The following SGCZ variants were observed in gnomAD, a reference collection of about 807,000 sequenced individuals.
SGCZ encodes the protein sarcoglycan zeta.
In SGCZ, 40 loss-of-function variants were observed where a neutral mutation model predicts 41.3. The ratio of observed to expected loss-of-function variants is 0.97; its 90% confidence interval spans 0.75 to 1.26. The LOEUF (loss-of-function observed/expected upper bound fraction) is 1.26. Ranked by LOEUF, SGCZ falls within the 50% of genes most tolerant of loss-of-function variation. The probability of loss-of-function intolerance (pLI) is 0.00; values close to 1 mark genes in which losing one functional copy is unlikely to be tolerated. For missense variants in SGCZ, 552 were observed against 369.8 expected (o/e 1.49, Z -4.04); for synonymous variants, 206 against 137.5 (o/e 1.50, Z -3.49).
intron 2 of SGCZ, among the ~76,000 whole-genome samples, chr8:14,391,174 T>C (rs185911484): frequency 1.4e-4 from 21 of 152,148 alleles, no homozygotes; most frequent in Non-Finnish European, 2.9e-4. Flanking sequence ...TAATGCCAGG[T>C]TTGAGAATGG....
At chr8:14,746,031 A>G (rs1489532519) in intron 1 of SGCZ, among the ~76,000 whole-genome samples, 2 of 152,036 alleles carry the variant, frequency 1.3e-5, no homozygotes, top group Admixed American at 6.6e-5. Flanking sequence ...CAAACAATAA[A>G]TTATACAGTA....
chr8:14,253,008 T>A (rs1443700481), intron 3 of SGCZ, among the ~76,000 whole-genome samples: 2 of 152,144 alleles, frequency 1.3e-5, no homozygotes, highest in Non-Finnish European at 2.9e-5. Context: ...ATTTACTGGA[T>A]GCGACGTCCT....
intron 2 of SGCZ, among the ~76,000 whole-genome samples, chr8:14,398,535 G>A (rs1026270497): frequency 1.3e-5 from 2 of 152,130 alleles, no homozygotes; most frequent in Non-Finnish European, 2.9e-5. Flanking sequence ...AATATAGAGT[G>A]TTTATTTGGG....
intron 1 of SGCZ, among the ~76,000 whole-genome samples, chr8:15,138,348 G>T (rs545140104): frequency 1.3e-5 from 2 of 152,232 alleles, no homozygotes; most frequent in East Asian, 3.9e-4. Context: ...GTTAATGCAG[G>T]GATGAGTTGA....
chr8:14,748,813 T>C (rs914352371), intron 1 of SGCZ, among the ~76,000 whole-genome samples: 1 of 152,174 alleles, frequency 6.6e-6, no homozygotes, highest in Non-Finnish European at 1.5e-5. Flanking sequence ...TGGTATTATA[T>C]GGTGTTACAA....
chr8:14,799,740 C>T (rs960178435), intron 1 of SGCZ, among the ~76,000 whole-genome samples: 3 of 152,006 alleles, frequency 2.0e-5, no homozygotes, highest in Admixed American at 1.3e-4. Context: ...TGAATCTACT[C>T]CTTTGAAGCA....
chr8:15,135,320 C>CT (rs1339333594), intron 1 of SGCZ, among the ~76,000 whole-genome samples: 1 of 152,116 alleles, frequency 6.6e-6, no homozygotes, highest in Admixed American at 6.6e-5. Context: ...AGCAGAGTTG[C>CT]TGAAATTGGC....
At chr8:15,053,394 C>T (rs898649840) in intron 1 of SGCZ, among the ~76,000 whole-genome samples, 9 of 152,018 alleles carry the variant, frequency 5.9e-5, no homozygotes, top group South Asian at 2.1e-4. Context: ...TCTCCTCTTC[C>T]GTAGTTGATT....
intron 1 of SGCZ, among the ~76,000 whole-genome samples, chr8:14,633,551 A>T (rs192366615): frequency 6.6e-6 from 1 of 151,950 alleles, no homozygotes. Flanking sequence ...AAAAGTTGGC[A>T]AATAATTACA....
chr8:14,997,888 A>G (rs1172241447), intron 1 of SGCZ, among the ~76,000 whole-genome samples: 1 of 151,712 alleles, frequency 6.6e-6, no homozygotes, highest in Non-Finnish European at 1.5e-5. Context: ...TGAACCCGGG[A>G]GGCGGAGGTT....
Position 15,109,356 on chromosome 8 carries a change from G to C in SGCZ, c.39+128229C>G, listed in dbSNP as rs1806956017. Among the ~76,000 whole-genome samples the C allele has an allele frequency of 1.3e-5, 2 of 152,090 alleles. 1 individual carries two copies. Among genetic ancestry groups the C allele is most frequent in the South Asian group, 4.1e-4 (2 of 4,830 alleles). ...CATGTTTCTAGATGTCACTCGAGCT[G>C]AGTTTTAAAATTTGAGAAGGAATGT... On this transcript the variant is annotated intron_variant, in intron 1 of 7. Transcript: ENST00000382080.
intron 7 of SGCZ, among the ~76,000 whole-genome samples, chr8:14,096,508 A>G (rs1801849598): frequency 6.6e-6 from 1 of 152,162 alleles, no homozygotes; most frequent in Non-Finnish European, 1.5e-5. Context: ...TCGGTTTGCC[A>G]GTATTGTATG....
chr8:14,203,418 A>C (rs1262321320), intron 4 of SGCZ, among the ~76,000 whole-genome samples: 2 of 152,184 alleles, frequency 1.3e-5, no homozygotes, highest in African/African-American at 2.4e-5. Context: ...TTATGTTTTT[A>C]ATACCTAATA....
In SGCZ at chr8:14,087,438, C is replaced by CT. The variant is rs1801553777; in HGVS notation, c.*3004dup. ...CGGTTTATCCATTCCTGGCAAATAACTTAAATGCTAGCAAAACTACCAACC... is the reference window on the plus strand; with the variant it reads ...CGGTTTATCCATTCCTGGCAAATAACTTTAAATGCTAGCAAAACTACCAACC... On this transcript the variant is annotated 3_prime_UTR_variant, in exon 8 of 8. Coordinates refer to ENST00000382080, the MANE Select transcript of SGCZ (RefSeq NM_139167.4). 6.6e-6 allele frequency among the ~76,000 whole-genome samples: 1 copy of CT among 151,622 alleles called. No homozygotes were observed. Among genetic ancestry groups the CT allele is most frequent in the African/African-American group, 2.4e-5 (1 of 41,376 alleles).
intron 1 of SGCZ, among the ~76,000 whole-genome samples, chr8:15,061,998 A>G (rs1804956080): frequency 6.6e-6 from 1 of 152,170 alleles, no homozygotes; most frequent in South Asian, 2.1e-4. Flanking sequence ...AAAGTTTATT[A>G]TCTATGAAAG....
At chr8:14,442,641 C>T (rs887048699) in intron 2 of SGCZ, among the ~76,000 whole-genome samples, 2 of 152,110 alleles carry the variant, frequency 1.3e-5, no homozygotes, top group Non-Finnish European at 1.5e-5. Flanking sequence ...AGAGTTGATA[C>T]TTTCTGCTTT....
At chr8:14,896,392 G>T (rs1410550134) in intron 1 of SGCZ, among the ~76,000 whole-genome samples, 1 of 151,940 alleles carries the variant, frequency 6.6e-6, no homozygotes, top group Non-Finnish European at 1.5e-5. Flanking sequence ...AGTTACTGGG[G>T]GCAAATAATG....
intron 4 of SGCZ, among the ~76,000 whole-genome samples, chr8:14,185,576 C>G (rs543429369): frequency 6.6e-6 from 1 of 152,230 alleles, no homozygotes; most frequent in East Asian, 1.9e-4. Context: ...CATTCAAAAA[C>G]TGTCTTCTTC....
intron 1 of SGCZ, among the ~76,000 whole-genome samples, chr8:14,821,063 C>T (rs1402434031): frequency 6.6e-6 from 1 of 151,614 alleles, no homozygotes; most frequent in Non-Finnish European, 1.5e-5. Context: ...ATAAACAAAA[C>T]TGACAAACCT....
Sources: gnomAD v4.1 joint callset for allele counts (sites outside exome capture counted in the v4.1 genomes callset) on GRCh38, gnomAD v4.1.1 for gene constraint, MANE v1.5 for transcripts, NCBI Gene and HGNC (gene_info 2026-07-23, HGNC 2026-07-21) for gene names.